Variants in UVRAG observed in about 807,000 individuals in gnomAD.
UVRAG encodes UV radiation resistance associated, also known as UV radiation resistance-associated gene protein.
A neutral mutation model predicts 78.0 loss-of-function variants in UVRAG; 19 were observed. The ratio of observed to expected loss-of-function variants is 0.24; its 90% CI spans 0.17 to 0.36. The LOEUF is 0.36. Among genes scored for constraint, UVRAG ranks in the 10% least tolerant of loss-of-function variants. The pLI is 1.00. For missense variants in UVRAG, 740 were observed against 853.8 expected (o/e 0.87, Z 1.66); for synonymous variants, 323 against 324.6 (o/e 1.00, Z 0.05).
At chr11:75,956,609 C>A (rs1419032657) in intron 6 of UVRAG, among the ~76,000 whole-genome samples, 1 of 152,058 alleles carries the variant, frequency 6.6e-6, no homozygotes, top group African/African-American at 2.4e-5. Flanking sequence ...TGGTCTTGAT[C>A]TCCTGATCTC....
chr11:76,103,266 G>A (rs1251038311), intron 13 of UVRAG, among the ~76,000 whole-genome samples: 1 of 152,046 alleles, frequency 6.6e-6, no homozygotes, highest in African/African-American at 2.4e-5. Context: ...ATTAACACGA[G>A]GGGGTGAAGG....
rs117669756 is a variant in UVRAG at position 75,925,507 on chromosome 11, C to G, written c.593+13468C>G. On this transcript the variant is annotated intron_variant, in intron 6 of 14. Transcript: ENST00000356136. ...AGTTGATTCTTTATGACTGGAAATACTCTGTTAAAATGAGAAGCCAGATTA... is the reference window on the plus strand; with the variant it reads ...AGTTGATTCTTTATGACTGGAAATAGTCTGTTAAAATGAGAAGCCAGATTA... 1.6e-3 allele frequency among the ~76,000 whole-genome samples: 246 copies of G among 152,234 alleles called. 6 individuals are homozygous for G. The East Asian group carries it at 0.033, about 21-fold the overall frequency.
chr11:75,999,209 G>A (rs550694609), intron 8 of UVRAG, among the ~76,000 whole-genome samples: 35 of 146,188 alleles, frequency 2.4e-4, no homozygotes, highest in Non-Finnish European at 4.8e-4. Flanking sequence ...CTCCAGCCTG[G>A]GTGACCGGGC....
intron 5 of UVRAG, among the ~76,000 whole-genome samples, chr11:75,906,483 G>A (rs1241044592): frequency 6.6e-6 from 1 of 152,060 alleles, no homozygotes; most frequent in Non-Finnish European, 1.5e-5. Flanking sequence ...GAGTAGCTGG[G>A]ATTACAAGCG....
At chr11:75,855,648 C>A (rs1946273427) in intron 2 of UVRAG, among the ~76,000 whole-genome samples, 1 of 152,140 alleles carries the variant, frequency 6.6e-6, no homozygotes, top group African/African-American at 2.4e-5. Flanking sequence ...TCATAAGAGA[C>A]CAATTGACTC....
At chr11:76,072,557 C>T (rs1951333683) in intron 13 of UVRAG, among the ~76,000 whole-genome samples, 1 of 152,036 alleles carries the variant, frequency 6.6e-6, no homozygotes, top group Admixed American at 6.6e-5. Flanking sequence ...GGGAAAAAGT[C>T]CAGCTCATTA....
chr11:75,840,270 A>G (rs537399288), intron 1 of UVRAG, among the ~76,000 whole-genome samples: 50 of 152,212 alleles, frequency 3.3e-4, no homozygotes, highest in African/African-American at 1.2e-3. Flanking sequence ...ATTAGGTAGT[A>G]ATTCCTAATA....
chr11:76,100,997 T>G (rs1042133358), intron 13 of UVRAG, among the ~76,000 whole-genome samples: 1 of 152,226 alleles, frequency 6.6e-6, no homozygotes, highest in African/African-American at 2.4e-5. Flanking sequence ...ATTTTCTTTA[T>G]GCAGTCTTCC....
intron 5 of UVRAG, among the ~76,000 whole-genome samples, chr11:75,897,000 C>T (rs1480234989): frequency 1.3e-5 from 2 of 152,052 alleles, no homozygotes; most frequent in Non-Finnish European, 2.9e-5. Flanking sequence ...GAAGCTACAG[C>T]GGTAATATCT....
chr11:75,875,069 CA>C (rs1177203208), intron 3 of UVRAG, among the ~76,000 whole-genome samples: 1 of 152,166 alleles, frequency 6.6e-6, no homozygotes, highest in African/African-American at 2.4e-5. Context: ...TACCTCAAGC[CA>C]GTAACTTCTG....
intron 7 of UVRAG, among the ~76,000 whole-genome samples, chr11:75,982,936 C>T (rs908985977): frequency 4.6e-5 from 7 of 152,030 alleles, no homozygotes; most frequent in African/African-American, 1.7e-4. Flanking sequence ...TTTTTTATGT[C>T]GTTCGGCTAT....
Position 76,140,972 on chromosome 11 carries a change from C to A in UVRAG, c.1659C>A (p.Thr553=). ...CATCTCTATCCTCCTCCTTGGATAC[C>A]TCCTTGGACTTCTCCAAAGAAAACA... ...KITSLSSSLD[T]SLDFSKENKK... The change falls in exon 15 of 15, where the codon ACC becomes ACA. Residue 553 remains threonine, a synonymous_variant. Coordinates refer to ENST00000356136, the MANE Select transcript of UVRAG (RefSeq NM_003369.4). 6.2e-7 allele frequency: 1 copy of A among 1,614,122 alleles called. No homozygotes were observed. Among genetic ancestry groups the A allele is most frequent in the South Asian group, 1.1e-5 (1 of 91,076 alleles).
intron 1 of UVRAG, among the ~76,000 whole-genome samples, chr11:75,845,286 C>G (rs1026111472): frequency 4.6e-5 from 7 of 152,206 alleles, no homozygotes; most frequent in African/African-American, 1.7e-4. Context: ...GAGCACAACT[C>G]AGCCACCTGA....
rs994468760 is a variant in UVRAG at position 76,143,213 on chromosome 11, T to C, written c.*1800T>C. 5.9e-5 allele frequency: 9 copies of C among 152,076 alleles called. No homozygotes were observed. The highest frequency in any genetic ancestry group is 2.2e-4 in the African/African-American group (9 of 41,366). 9.4% of individuals were successfully genotyped at this position (152,076 alleles called of 1,614,324 possible). A position where few individuals can be genotyped will look rare whatever the true frequency, so the allele number is the denominator to read the frequency against. The stretch of plus-strand genomic sequence containing the variant: ...AAAGAAAAGTTCTGAAGGGCAGTGT[T>C]AGGATTGCAGAATGGAAGGTCAACC... On this transcript the variant is annotated 3_prime_UTR_variant, in exon 15 of 15. Coordinates refer to ENST00000356136, the MANE Select transcript of UVRAG (RefSeq NM_003369.4).
chr11:75,987,459 C>T (rs1949522395), intron 8 of UVRAG, among the ~76,000 whole-genome samples: 1 of 152,188 alleles, frequency 6.6e-6, no homozygotes, highest in African/African-American at 2.4e-5. Context: ...TTACAGTCAT[C>T]TCACCTGCAA....
chr11:75,924,263 T>C (rs1948040230), intron 6 of UVRAG, among the ~76,000 whole-genome samples: 1 of 152,222 alleles, frequency 6.6e-6, no homozygotes, highest in South Asian at 2.1e-4. Context: ...AGATGATTAG[T>C]ACTAACCTTG....
At chr11:75,949,815 AT>A (rs60273367) in intron 6 of UVRAG, among the ~76,000 whole-genome samples, 4,489 of 151,782 alleles carry the variant, frequency 0.03, 239 homozygotes, top group African/African-American at 0.1. Flanking sequence ...AGTTTGATGA[AT>A]TTTAATAAAT....
chr11:75,939,091 G>A, intron 6 of UVRAG, among the ~76,000 whole-genome samples: 1 of 146,176 alleles, frequency 6.8e-6, no homozygotes, highest in East Asian at 2.0e-4. Context: ...TTTTCCTAGG[G>A]TTTTTTTTTT....
rs541633458 is a variant in UVRAG, at chr11:76,067,216, C to T, written c.1305+1428C>T. 8.6e-4 allele frequency among the ~76,000 whole-genome samples: 131 copies of T among 152,280 alleles called. 1 individual carries two copies. Among genetic ancestry groups the T allele is most frequent in the Non-Finnish European group, 1.1e-3 (74 of 68,030 alleles). On this transcript the variant is annotated intron_variant, in intron 13 of 14. Transcript: ENST00000356136. Reference sequence around the variant, plus strand: ...CACACTCATTGTCCTCTCAACCATACTACTTTTACTGTTACTTCCACTCCA... The same window carrying T: ...CACACTCATTGTCCTCTCAACCATATTACTTTTACTGTTACTTCCACTCCA...
Sources: gnomAD v4.1 joint callset for allele counts (sites outside exome capture counted in the v4.1 genomes callset) on GRCh38, gnomAD v4.1.1 for gene constraint, MANE v1.5 for transcripts, NCBI Gene and HGNC (gene_info 2026-07-23, HGNC 2026-07-21) for gene names.